Variants in KCNK2 observed in about 807,000 individuals in gnomAD.
The protein encoded by KCNK2 is potassium two pore domain channel subfamily K member 2.
In KCNK2, 21 loss-of-function variants were observed where a neutral mutation model predicts 40.5. The ratio of observed to expected loss-of-function variants is 0.52; its 90% CI spans 0.37 to 0.75. KCNK2 has a LOEUF of 0.75. Among genes scored for constraint, KCNK2 ranks in the 30% least tolerant of loss-of-function variants. The probability of loss-of-function intolerance (pLI) is 0.00; values close to 1 mark genes in which losing one functional copy is unlikely to be tolerated. For missense variants in KCNK2, 399 were observed against 531.6 expected (o/e 0.75, Z 2.45); for synonymous variants, 191 against 202.2 (o/e 0.94, Z 0.47).
At position 215,059,743 on chromosome 1, in the gene KCNK2, T is replaced by G. The variant is rs1416963492; in HGVS notation, c.35-26625T>G. Among the ~76,000 whole-genome samples the G allele has an allele frequency of 9.8e-5, 15 of 152,308 alleles. No individual in the cohort carries two copies. The East Asian group carries it at 2.9e-3, about 29-fold the overall frequency. On this transcript the variant is annotated intron_variant, in intron 1 of 6. Transcript: ENST00000391895. Reference sequence around the variant, plus strand: ...AAGTAAAAGACAAGGCCATGTTATCTGGGCCTAGACAAGGGGAGAAAGATA... The same window carrying G: ...AAGTAAAAGACAAGGCCATGTTATCGGGGCCTAGACAAGGGGAGAAAGATA...
chr1:215,135,174 A>AT (rs1005867775), intron 3 of KCNK2, among the ~76,000 whole-genome samples: 2 of 152,042 alleles, frequency 1.3e-5, no homozygotes, highest in African/African-American at 2.4e-5. Flanking sequence ...ATAACTCTAC[A>AT]TTTTTTTAAA....
At chr1:215,177,135 T>A (rs1483857902) in intron 5 of KCNK2, among the ~76,000 whole-genome samples, 1 of 152,188 alleles carries the variant, frequency 6.6e-6, no homozygotes, top group East Asian at 1.9e-4. Flanking sequence ...CATGAATGTC[T>A]TCTTTTGAGA....
At chr1:215,146,931 T>C (rs1025752019) in intron 3 of KCNK2, among the ~76,000 whole-genome samples, 8 of 152,240 alleles carry the variant, frequency 5.3e-5, no homozygotes, top group African/African-American at 1.9e-4. Context: ...TGGTATCTGA[T>C]ATGCAGTGAG....
chr1:215,041,596 G>A (rs1657564879), intron 1 of KCNK2, among the ~76,000 whole-genome samples: 1 of 152,156 alleles, frequency 6.6e-6, no homozygotes, highest in Non-Finnish European at 1.5e-5. Flanking sequence ...CTTGATATTA[G>A]CTAGCTGAAA....
chr1:215,192,955 T>A (rs1012285702), intron 5 of KCNK2, among the ~76,000 whole-genome samples: 2 of 152,152 alleles, frequency 1.3e-5, no homozygotes, highest in African/African-American at 4.8e-5. Flanking sequence ...AAAATGTCAT[T>A]ATGAGCAACT....
chr1:215,010,478 G>A (rs1409620642), intron 1 of KCNK2, among the ~76,000 whole-genome samples: 1 of 152,186 alleles, frequency 6.6e-6, no homozygotes, highest in Non-Finnish European at 1.5e-5. Flanking sequence ...CTCTGCATGT[G>A]CATAGCTCAG....
At chr1:215,170,162 G>A (rs1008507312) in intron 4 of KCNK2, among the ~76,000 whole-genome samples, 2 of 152,046 alleles carry the variant, frequency 1.3e-5, no homozygotes, top group African/African-American at 4.8e-5. Context: ...CCCTTATAAA[G>A]CCCCTTTGGG....
chr1:215,050,768 C>T (rs1433408963), intron 1 of KCNK2, among the ~76,000 whole-genome samples: 2 of 152,128 alleles, frequency 1.3e-5, no homozygotes, highest in African/African-American at 2.4e-5. Context: ...GATCATCTTA[C>T]TTAAGGTCAT....
chr1:215,196,345 C>T (rs1475677170), intron 6 of KCNK2, among the ~76,000 whole-genome samples: 2 of 152,070 alleles, frequency 1.3e-5, no homozygotes, highest in Admixed American at 6.6e-5. Flanking sequence ...CCTCTGCCTC[C>T]CAAAGTACCA....
At chr1:215,224,132 A>T (rs967228492) in intron 6 of KCNK2, among the ~76,000 whole-genome samples, 1 of 152,168 alleles carries the variant, frequency 6.6e-6, no homozygotes. Flanking sequence ...GCTGAGTTTT[A>T]TGGAAAACAG....
upstream of KCNK2, among the ~76,000 whole-genome samples, chr1:215,080,243 G>A (rs188218247): frequency 1.2e-4 from 19 of 152,284 alleles, no homozygotes; most frequent in African/African-American, 4.3e-4. Flanking sequence ...AGTCTAGTAA[G>A]CATTAGCCAG....
At position 215,235,112 on chromosome 1, in the gene KCNK2, T is replaced by G. The variant is rs1434743884; in HGVS notation, c.1248T>G (p.Gly416=). ...YLNGLTPHCA[G]EEIAVIENIK is the part of the protein sequence containing the mutation. ...ATGGTTTGACGCCACACTGTGCTGG[T>G]GAAGAGATTGCTGTGATTGAGAACA... The change falls in exon 7 of 7, where the codon GGT becomes GGG. Residue 416 remains glycine, a synonymous_variant. Coordinates refer to ENST00000444842, the MANE Select transcript of KCNK2 (RefSeq NM_001017425.3). The G allele has an allele frequency of 6.2e-7, 1 of 1,602,814 alleles. No homozygotes were observed. The highest frequency in any genetic ancestry group is 8.5e-7 in the Non-Finnish European group (1 of 1,170,622).
rs571890172 is a variant in KCNK2 at position 215,099,531 on chromosome 1, C to T, written c.357+12853C>T. ...AAAGTTTGTATTCTTTTTAGAAGTA[C>T]TTAAGGAATGAAAGTTACCAGGAGC... On this transcript the variant is annotated intron_variant, in intron 2 of 6. Transcript: ENST00000444842. 2.6e-5 allele frequency among the ~76,000 whole-genome samples: 4 copies of T among 151,944 alleles called. No homozygotes were observed. The South Asian group carries it at 8.3e-4, about 31-fold the overall frequency.
At chr1:215,060,167 G>C (rs957029501) in intron 1 of KCNK2, among the ~76,000 whole-genome samples, 1 of 152,218 alleles carries the variant, frequency 6.6e-6, no homozygotes, top group African/African-American at 2.4e-5. Flanking sequence ...AGTCCGCAGT[G>C]CCAGCCAGAA....
intron 6 of KCNK2, among the ~76,000 whole-genome samples, chr1:215,231,653 C>T (rs1000440685): frequency 6.6e-6 from 1 of 152,094 alleles, no homozygotes; most frequent in African/African-American, 2.4e-5. Context: ...TATTCTGCCT[C>T]TCCAGTAAAA....
chr1:215,201,672 T>C (rs1322369436), intron 6 of KCNK2, among the ~76,000 whole-genome samples: 2 of 152,180 alleles, frequency 1.3e-5, no homozygotes, highest in East Asian at 3.9e-4. Flanking sequence ...GGAGTAACTC[T>C]TCATCTGTGG....
At chr1:215,127,373 A>G (rs954177739) in intron 3 of KCNK2, among the ~76,000 whole-genome samples, 1 of 152,222 alleles carries the variant, frequency 6.6e-6, no homozygotes, top group Non-Finnish European at 1.5e-5. Flanking sequence ...TTCTCTTCAT[A>G]TATCTAAACA....
At chr1:215,013,908 G>A (rs1466800891) in intron 1 of KCNK2, among the ~76,000 whole-genome samples, 3 of 152,044 alleles carry the variant, frequency 2.0e-5, no homozygotes, top group East Asian at 3.9e-4. Flanking sequence ...CTTTTATTTC[G>A]TTTACTTACC....
Position 215,091,988 on chromosome 1 carries a change from C to T in KCNK2, c.357+5310C>T, listed in dbSNP as rs560773300. ...CTGGAAGTCATCATCATAAGGAGTT[C>T]GGCTTTTTGGTGCAGATAAGTATCC... is the stretch of plus-strand genomic sequence containing the variant. On this transcript the variant is annotated intron_variant, in intron 2 of 6. Coordinates refer to ENST00000444842, the MANE Select transcript of KCNK2 (RefSeq NM_001017425.3). Among the ~76,000 whole-genome samples the T allele has an allele frequency of 1.4e-4, 21 of 152,064 alleles. 1 individual carries two copies. The highest frequency in any genetic ancestry group is 2.2e-4 in the Non-Finnish European group (15 of 68,010).
Sources: gnomAD v4.1 joint callset for allele counts (sites outside exome capture counted in the v4.1 genomes callset) on GRCh38, gnomAD v4.1.1 for gene constraint, MANE v1.5 for transcripts, NCBI Gene and HGNC (gene_info 2026-07-23, HGNC 2026-07-21) for gene names.